PCDH9: variants seen among roughly 807,000 people sequenced by gnomAD.
The protein encoded by PCDH9 is protocadherin 9, also known as protocadherin-9.
A neutral mutation model predicts 70.6 loss-of-function variants in PCDH9; 24 were observed. That is an observed-to-expected ratio of 0.34 (90% confidence interval 0.25 to 0.48). The LOEUF (loss-of-function observed/expected upper bound fraction) is 0.48, where lower values mean the gene tolerates loss of function less well. Ranked by LOEUF, PCDH9 falls within the 20% of genes least tolerant of loss-of-function variation. PCDH9 has a pLI of 0.99. For missense variants in PCDH9, 1,281 were observed against 1,503.6 expected (o/e 0.85, Z 2.45); for synonymous variants, 562 against 558.5 (o/e 1.01, Z -0.09).
At chr13:66,634,119 A>G (rs951905588) in intron 3 of PCDH9, among the ~76,000 whole-genome samples, 1 of 152,198 alleles carries the variant, frequency 6.6e-6, no homozygotes, top group Admixed American at 6.5e-5. Flanking sequence ...GCAATTAGAC[A>G]CTGTAAATTG....
intron 4 of PCDH9, among the ~76,000 whole-genome samples, chr13:66,612,316 T>G (rs1440347760): frequency 6.6e-6 from 1 of 152,178 alleles, no homozygotes; most frequent in Non-Finnish European, 1.5e-5. Context: ...ACCAACTATT[T>G]GCAATAATCA....
At chr13:66,856,003 G>C (rs2081389318) in intron 3 of PCDH9, among the ~76,000 whole-genome samples, 1 of 151,880 alleles carries the variant, frequency 6.6e-6, no homozygotes, top group African/African-American at 2.4e-5. Context: ...TTTTTTTATA[G>C]AGAGGTAAAT....
chr13:67,145,641 T>A (rs970382363), intron 2 of PCDH9, among the ~76,000 whole-genome samples: 4 of 152,030 alleles, frequency 2.6e-5, no homozygotes, highest in African/African-American at 9.7e-5. Flanking sequence ...TATATTCATA[T>A]GTATGGCTTC....
At chr13:66,614,378 A>G (rs1163734313) in intron 4 of PCDH9, among the ~76,000 whole-genome samples, 2 of 152,236 alleles carry the variant, frequency 1.3e-5, no homozygotes, top group Non-Finnish European at 2.9e-5. Flanking sequence ...TAAATTGAGC[A>G]TTGAAATAAA....
chr13:67,080,985 T>G (rs2085971695), intron 2 of PCDH9, among the ~76,000 whole-genome samples: 1 of 152,220 alleles, frequency 6.6e-6, no homozygotes, highest in Non-Finnish European at 1.5e-5. Flanking sequence ...AACTTTTGGA[T>G]TAGCAAACCA....
intron 4 of PCDH9, among the ~76,000 whole-genome samples, chr13:66,514,687 T>A (rs1959649990): frequency 6.6e-6 from 1 of 152,104 alleles, no homozygotes; most frequent in South Asian, 2.1e-4. Flanking sequence ...TCCCATTGTC[T>A]TATTTAGTAA....
rs758928616 is a variant in PCDH9 at position 66,730,876 on chromosome 13, G to GTTTTTTTTTTTT, written c.3139-99466_3139-99465insAAAAAAAAAAAA. ...TGTTTTTGTTTTTTTGTGTGTGTGT[G>GTTTTTTTTTTTT]TTTTTTTTTTGTTTGTTTCTTTTTT... On this transcript the variant is annotated intron_variant, in intron 3 of 4. Transcript: ENST00000377865. 1.1e-3 allele frequency among the ~76,000 whole-genome samples: 53 copies of GTTTTTTTTTTTT among 46,326 alleles called. 3 individuals carry two copies. The highest frequency in any genetic ancestry group is 2.8e-3 in the African/African-American group (37 of 13,256). The allele number at this position is 46,326 out of a possible 152,430, so 30.4% of individuals were successfully genotyped here. A position where few individuals can be genotyped will look rare whatever the true frequency, so the allele number is the denominator to read the frequency against.
chr13:66,884,386 C>G (rs2081972647), intron 3 of PCDH9, among the ~76,000 whole-genome samples: 1 of 152,088 alleles, frequency 6.6e-6, no homozygotes, highest in African/African-American at 2.4e-5. Context: ...TTAACTTTGT[C>G]TCTGATTCTT....
intron 2 of PCDH9, among the ~76,000 whole-genome samples, chr13:66,967,851 T>A (rs1353469163): frequency 6.6e-6 from 1 of 152,068 alleles, no homozygotes; most frequent in African/African-American, 2.4e-5. Context: ...CTATTATCCA[T>A]GTTATGTCAT....
rs1428789836 is a variant in PCDH9, at chr13:66,365,170, C to T, written c.3341-60142G>A. Among the ~76,000 whole-genome samples, 4 of 152,282 alleles carry T rather than the reference C, an allele frequency of 2.6e-5. No homozygotes were observed. The South Asian group carries it at 8.3e-4, about 32-fold the overall frequency. ...CACTTGTTCAGTACCTTCCTACATG[C>T]TATTTGCTAGCTCATCACATCACAA... On this transcript the variant is annotated intron_variant, in intron 4 of 4. Transcript: ENST00000377865.
intron 2 of PCDH9, among the ~76,000 whole-genome samples, chr13:67,184,291 A>G (rs1408742986): frequency 1.3e-5 from 2 of 152,214 alleles, no homozygotes; most frequent in Non-Finnish European, 2.9e-5. Flanking sequence ...GGTGAAGGTT[A>G]TAATGAAAGA....
rs115028851 is a variant in PCDH9, at chr13:66,412,932, T to C, written c.3341-107904A>G. On this transcript the variant is annotated intron_variant, in intron 4 of 4. Transcript: ENST00000377865. Reference sequence around the variant, plus strand: ...GTGCTAAACAAGCACACACAGGGAATATGTTCATTATTTGCCGCTCCTATA... The same window carrying C: ...GTGCTAAACAAGCACACACAGGGAACATGTTCATTATTTGCCGCTCCTATA... Among the ~76,000 whole-genome samples, 451 of 152,350 alleles carry C rather than the reference T, an allele frequency of 3.0e-3. 3 individuals are homozygous for C. The highest frequency in any genetic ancestry group is 0.01 in the African/African-American group (428 of 41,582).
intron 2 of PCDH9, among the ~76,000 whole-genome samples, chr13:67,106,538 G>C (rs551210688): frequency 9.2e-5 from 14 of 152,308 alleles, no homozygotes; most frequent in Non-Finnish European, 1.8e-4. Context: ...TTTTAATATG[G>C]TATCAATGAC....
In PCDH9 at chr13:66,736,482, T is replaced by C. The variant is rs115322692; in HGVS notation, c.3139-105071A>G. 5.5e-3 allele frequency among the ~76,000 whole-genome samples: 831 copies of C among 152,320 alleles called. 10 individuals carry two copies. The highest frequency in any genetic ancestry group is 0.019 in the African/African-American group (791 of 41,576). On this transcript the variant is annotated intron_variant, in intron 3 of 4. Transcript: ENST00000377865. ...TATACCCATACCTCGACCTTGGACT[T>C]CTAGTCTCAAGAACTGTTAGAAAAT...
intron 4 of PCDH9, among the ~76,000 whole-genome samples, chr13:66,629,540 G>A (rs2077542556): frequency 6.6e-6 from 1 of 152,178 alleles, no homozygotes; most frequent in South Asian, 2.1e-4. Flanking sequence ...TCAAAACCAT[G>A]AAATCAAAAG....
intron 3 of PCDH9, among the ~76,000 whole-genome samples, chr13:66,769,429 A>G (rs879505508): frequency 2.0e-5 from 3 of 152,072 alleles, no homozygotes; most frequent in Admixed American, 2.0e-4. Flanking sequence ...TAGAAAAATT[A>G]ATATTTGGGA....
At chr13:66,544,305 A>C (rs1462764406) in intron 4 of PCDH9, among the ~76,000 whole-genome samples, 2 of 152,172 alleles carry the variant, frequency 1.3e-5, no homozygotes, top group Non-Finnish European at 2.9e-5. Context: ...GACAATGTTG[A>C]CTAAGGACAT....
At chr13:66,786,424 A>C (rs2080081032) in intron 3 of PCDH9, among the ~76,000 whole-genome samples, 1 of 152,198 alleles carries the variant, frequency 6.6e-6, no homozygotes, top group Admixed American at 6.6e-5. Context: ...ACTCCTATGC[A>C]TCAAGAAAAC....
At chr13:66,688,694 G>T (rs2078439678) in intron 3 of PCDH9, among the ~76,000 whole-genome samples, 1 of 152,122 alleles carries the variant, frequency 6.6e-6, no homozygotes, top group African/African-American at 2.4e-5. Flanking sequence ...AGAAACCACT[G>T]TCTGAAAGTC....
Sources: gnomAD v4.1 joint callset for allele counts (sites outside exome capture counted in the v4.1 genomes callset) on GRCh38, gnomAD v4.1.1 for gene constraint, MANE v1.5 for transcripts, NCBI Gene and HGNC (gene_info 2026-07-23, HGNC 2026-07-21) for gene names.